The following CBFA2T3 variants were observed in gnomAD, a reference collection of about 807,000 sequenced individuals.
CBFA2T3 encodes transcriptional corepressor CBFA2T3.
In CBFA2T3, 31 loss-of-function variants were observed where a neutral mutation model predicts 58.6. The observed-to-expected ratio is 0.53, with a 90% CI of 0.40 to 0.71. The LOEUF is 0.71. Among genes scored for constraint, CBFA2T3 ranks in the 30% least tolerant of loss-of-function variants. The pLI is 0.00. For missense variants in CBFA2T3, 1,076 were observed against 963.1 expected (o/e 1.12, Z -1.55); for synonymous variants, 531 against 421.9 (o/e 1.26, Z -3.17).
chr16:88,891,347 C>T (rs753596471), intron 5 of CBFA2T3, among the ~76,000 whole-genome samples: 2 of 152,182 alleles, frequency 1.3e-5, no homozygotes, highest in Non-Finnish European at 2.9e-5. Context: ...TCATCCTCAG[C>T]CCTCACCAAC....
chr16:88,925,282 C>T (rs1971050037), intron 1 of CBFA2T3, among the ~76,000 whole-genome samples: 1 of 152,178 alleles, frequency 6.6e-6, no homozygotes, highest in South Asian at 2.1e-4. Context: ...GCCGTGGTGG[C>T]AGCTGCTCGG....
At position 88,881,324 on chromosome 16, in the gene CBFA2T3, T is replaced by G. The variant is rs931948694; in HGVS notation, c.1369A>C (p.Ser457Arg). 3 of 1,587,794 alleles carry G rather than the reference T, an allele frequency of 1.9e-6. No homozygotes were observed. In the African/African-American group the frequency reaches 4.0e-5, roughly 21 times the overall value. Residue 457 changes from serine (S) to arginine (R), a missense_variant, in exon 9 of 12, where the codon AGC becomes CGC. Transcript: ENST00000268679. ...GPAPAAARPR[S>R]SSAGPEGPQL... ...GGCCCTTCGGGACCGGCGGAGCTGC[T>G]GCGGGGCCGGGCCGCGGCGGGAGCG...
chr16:88,933,860 T>C (rs1050731085), intron 1 of CBFA2T3, among the ~76,000 whole-genome samples: 1 of 151,840 alleles, frequency 6.6e-6, no homozygotes, highest in East Asian at 1.9e-4. Context: ...CTCTGTGCAG[T>C]ACAGCAGCCG....
intron 1 of CBFA2T3, among the ~76,000 whole-genome samples, chr16:88,945,257 G>C (rs1387367288): frequency 1.4e-4 from 22 of 152,138 alleles, no homozygotes. Context: ...ACCTAGAACA[G>C]TGAGTTTTTA....
At chr16:88,897,390 C>G (rs544874665) in intron 3 of CBFA2T3, among the ~76,000 whole-genome samples, 6 of 152,216 alleles carry the variant, frequency 3.9e-5, no homozygotes, top group Admixed American at 1.3e-4. Context: ...AGTGATGGAC[C>G]GGAGTCTGTC....
intron 3 of CBFA2T3, among the ~76,000 whole-genome samples, chr16:88,892,945 T>C (rs532324559): frequency 2.0e-5 from 3 of 152,206 alleles, no homozygotes; most frequent in Non-Finnish European, 4.4e-5. Context: ...CCCCTACGCC[T>C]GGCCTGGGAG....
rs532465495 is a variant in CBFA2T3, at chr16:88,924,992, G to A, written c.152-23336C>T. ...GGCCCTGAAGAAATTACAAGCCACC[G>A]GTCACCGTGGCCAAGCCCAGGGCTT... On this transcript the variant is annotated intron_variant, in intron 1 of 11. Transcript: ENST00000268679. Among the ~76,000 whole-genome samples, 9 of 152,356 alleles carry A rather than the reference G, an allele frequency of 5.9e-5. No homozygotes were observed. The East Asian group carries it at 1.2e-3, about 20-fold the overall frequency.
chr16:88,941,959 CGG>C (rs1357204255), intron 1 of CBFA2T3: 4 of 151,072 alleles, frequency 2.6e-5, no homozygotes, highest in African/African-American at 9.7e-5. Flanking sequence ...GCGCCTGGCC[CGG>C]CCCGGGGCCA....
intron 1 of CBFA2T3, among the ~76,000 whole-genome samples, chr16:88,924,143 T>TG (rs112648265): frequency 0.37 from 55,888 of 151,956 alleles, 10,436 homozygotes; most frequent in Middle Eastern, 0.47. Context: ...ACCCCTGCGG[T>TG]GGGGCGGGGC....
chr16:88,934,895 A>G (rs922845487), intron 1 of CBFA2T3, among the ~76,000 whole-genome samples: 14 of 151,944 alleles, frequency 9.2e-5, no homozygotes, highest in Admixed American at 5.9e-4. Context: ...GCCCGCCACC[A>G]CGCCCGGCTA....
chr16:88,890,517 C>T (rs565241919), intron 5 of CBFA2T3, among the ~76,000 whole-genome samples: 14 of 152,338 alleles, frequency 9.2e-5, no homozygotes, highest in African/African-American at 2.2e-4. Flanking sequence ...GACCCCAACA[C>T]GTGCTCGGCA....
At chr16:88,919,978 C>CA (rs1970859651) in intron 1 of CBFA2T3, among the ~76,000 whole-genome samples, 1 of 152,256 alleles carries the variant, frequency 6.6e-6, no homozygotes, top group Admixed American at 6.5e-5. Flanking sequence ...AGGCATACAG[C>CA]AAGTGCTCAA....
chr16:88,902,678 C>A (rs1406579329), intron 1 of CBFA2T3, among the ~76,000 whole-genome samples: 1 of 152,204 alleles, frequency 6.6e-6, no homozygotes, highest in East Asian at 1.9e-4. Flanking sequence ...GGTGTAAGCC[C>A]CAGGGCCTCC....
At chr16:88,972,701 G>A (rs756229403) in intron 1 of CBFA2T3, among the ~76,000 whole-genome samples, 9 of 152,226 alleles carry the variant, frequency 5.9e-5, no homozygotes, top group African/African-American at 1.9e-4. Context: ...CCTGCTGTGT[G>A]CCTCTCAGAA....
At chr16:88,895,747 A>G (rs1969864808) in intron 3 of CBFA2T3, among the ~76,000 whole-genome samples, 2 of 152,126 alleles carry the variant, frequency 1.3e-5, no homozygotes, top group Admixed American at 1.3e-4. Flanking sequence ...GATGCTACAG[A>G]GGCCCTCAGA....
At position 88,885,321 on chromosome 16, in the gene CBFA2T3, G is replaced by C; in HGVS notation, c.894-52C>G. 3.0e-6 allele frequency: 4 copies of C among 1,322,222 alleles called. No homozygotes were observed. Among genetic ancestry groups the C allele is most frequent in the Non-Finnish European group, 4.1e-6 (4 of 982,130 alleles). The allele number at this position is 1,322,222 out of a possible 1,614,324, so 81.9% of individuals were successfully genotyped here. A position where few individuals can be genotyped will look rare whatever the true frequency, so the allele number is the denominator to read the frequency against. On this transcript the variant is annotated intron_variant, in intron 6 of 11. Transcript: ENST00000268679. This position sits in a 1 kb window ranked among gnomAD's most constrained non-coding sequence, Gnocchi z 5.3. ...GGCAGTGGACATAGGATGAACCGGG[G>C]ACAGAGGTGCAGGTGGGGTGAGAGG...
chr16:88,934,291 C>T, intron 1 of CBFA2T3, among the ~76,000 whole-genome samples: 1 of 151,424 alleles, frequency 6.6e-6, no homozygotes. Flanking sequence ...CTGCTCAGGT[C>T]ACAGGAGGGG....
At chr16:88,906,316 C>T (rs1472137011) in intron 1 of CBFA2T3, among the ~76,000 whole-genome samples, 3 of 152,090 alleles carry the variant, frequency 2.0e-5, no homozygotes, top group African/African-American at 4.8e-5. Context: ...ATTTCTACTC[C>T]GCAGACCCAC....
intron 1 of CBFA2T3, among the ~76,000 whole-genome samples, chr16:88,911,526 C>T (rs1970531253): frequency 2.6e-5 from 4 of 152,322 alleles, no homozygotes; most frequent in South Asian, 4.1e-4. Flanking sequence ...AGGGAGGGAA[C>T]GGGAACCTCA....
Sources: gnomAD v4.1 joint callset for allele counts (sites outside exome capture counted in the v4.1 genomes callset) on GRCh38, gnomAD v4.1.1 for gene constraint, Gnocchi (gnomAD v3.1) non-coding constraint, MANE v1.5 for transcripts, NCBI Gene and HGNC (gene_info 2026-07-23, HGNC 2026-07-21) for gene names.